The following PLPP4 variants were observed in gnomAD, a reference collection of about 807,000 sequenced individuals.
PLPP4 encodes the protein diacylglycerol pyrophosphate like 2.
In PLPP4, 20 loss-of-function variants were observed where a neutral mutation model predicts 32.2. The ratio of observed to expected loss-of-function variants is 0.62; its 90% CI spans 0.44 to 0.90. PLPP4 has a LOEUF of 0.90. Among genes scored for constraint, PLPP4 ranks in the 40% least tolerant of loss-of-function variants. The pLI is 0.00. For synonymous variants in PLPP4, 127 were observed against 133.0 expected, an observed-to-expected ratio of 0.95 and a Z score of 0.31; for missense variants, 257 against 353.1, an observed-to-expected ratio of 0.73 and a Z score of 2.18.
intron 2 of PLPP4, among the ~76,000 whole-genome samples, chr10:120,510,678 G>T (rs965759668): frequency 5.3e-4 from 79 of 150,006 alleles, no homozygotes; most frequent in African/African-American, 1.8e-3. Context: ...CCTTTACCCA[G>T]TTCAGAGGTG....
intron 5 of PLPP4, among the ~76,000 whole-genome samples, chr10:120,540,900 C>T (rs150196868): frequency 2.2e-3 from 338 of 152,280 alleles, no homozygotes; most frequent in African/African-American, 7.8e-3. Context: ...CATCATGGCA[C>T]ATGTGCAGGA....
intron 1 of PLPP4, among the ~76,000 whole-genome samples, chr10:120,463,939 C>T (rs1008597558): frequency 3.3e-5 from 5 of 152,154 alleles, no homozygotes; most frequent in Admixed American, 1.3e-4. Flanking sequence ...CTCAGCCTCT[C>T]GAGTAGCTGG....
intron 2 of PLPP4, 31 bp downstream of exon 2, chr10:120,503,957 C>A: frequency 7.0e-7 from 1 of 1,425,892 alleles, no homozygotes; most frequent in Non-Finnish European, 9.9e-7. Flanking sequence ...CCTTATTTGA[C>A]TGCTCTCTCA....
chr10:120,575,140 C>T lies in PLPP4; in HGVS notation c.455C>T (p.Ser152Leu), dbSNP rs1460018779. Residue 152 changes from serine (S) to leucine (L), a missense_variant, in exon 6 of 7, where the codon TCG becomes TTG. Transcript: ENST00000398250. ...TGTTTCTGTTTGGCAGTTGCCTTTT[C>T]GGGCCTTGGCTTCACGACGTTCTAC... The part of the protein sequence containing the change: ...FPSIHSSFAF[S>L]GLGFTTFYLA... 1.1e-5 allele frequency: 17 copies of T among 1,612,586 alleles called. No homozygotes were observed. Among genetic ancestry groups the T allele is most frequent in the Middle Eastern group, 1.7e-4 (1 of 6,054 alleles).
intron 1 of PLPP4, among the ~76,000 whole-genome samples, chr10:120,480,918 G>C (rs1844170744): frequency 6.6e-6 from 1 of 152,202 alleles, no homozygotes; most frequent in Admixed American, 6.5e-5. Context: ...AGCAAGTTAG[G>C]CTCTTCTTCC....
Position 120,531,899 on chromosome 10 carries a change from T to C in PLPP4, c.445+10804T>C, listed in dbSNP as rs61871725. Among the ~76,000 whole-genome samples, 730 of 110,984 alleles carry C rather than the reference T, an allele frequency of 6.6e-3. 5 individuals carry two copies. The highest frequency in any genetic ancestry group is 0.02 in the African/African-American group (624 of 31,072). The allele number at this position is 110,984 out of a possible 152,430, so 72.8% of individuals were successfully genotyped here. The stretch of plus-strand genomic sequence containing the variant: ...ACACACACACACACACACACACATA[T>C]ATATATATATACACACATACATATT... On this transcript the variant is annotated intron_variant, in intron 5 of 6. Coordinates refer to ENST00000398250, the MANE Select transcript of PLPP4 (RefSeq NM_001030059.3).
intron 5 of PLPP4, among the ~76,000 whole-genome samples, chr10:120,541,593 C>G (rs1451144503): frequency 6.6e-6 from 1 of 152,202 alleles, no homozygotes; most frequent in Non-Finnish European, 1.5e-5. Flanking sequence ...TATATTTACT[C>G]AACACGTTCC....
chr10:120,533,899 C>T (rs1846864394), intron 5 of PLPP4, among the ~76,000 whole-genome samples: 2 of 152,086 alleles, frequency 1.3e-5, no homozygotes, highest in African/African-American at 4.8e-5. Context: ...TTCTTTTGTG[C>T]TGCTATTAGC....
intron 2 of PLPP4, among the ~76,000 whole-genome samples, chr10:120,504,759 G>C (rs1408724275): frequency 6.6e-6 from 1 of 152,210 alleles, no homozygotes; most frequent in Non-Finnish European, 1.5e-5. Flanking sequence ...AGAATTTTCT[G>C]TCCCCTCTCT....
intron 5 of PLPP4, among the ~76,000 whole-genome samples, chr10:120,528,323 C>T (rs1846525102): frequency 6.6e-6 from 1 of 152,080 alleles, no homozygotes; most frequent in African/African-American, 2.4e-5. Context: ...ATCCGTCCGC[C>T]TCGGCCTCCC....
chr10:120,566,269 T>C (rs1022729904), intron 5 of PLPP4, among the ~76,000 whole-genome samples: 1 of 152,200 alleles, frequency 6.6e-6, no homozygotes, highest in Non-Finnish European at 1.5e-5. Context: ...TAGAAGTTTA[T>C]TTTTTGGAAA....
intron 1 of PLPP4, among the ~76,000 whole-genome samples, chr10:120,503,323 G>A (rs554501669): frequency 1.3e-5 from 2 of 152,292 alleles, no homozygotes; most frequent in East Asian, 3.9e-4. Flanking sequence ...ATCTGAAAAA[G>A]CAAACCCCTG....
chr10:120,524,188 A>G (rs1294641947), intron 5 of PLPP4, among the ~76,000 whole-genome samples: 5 of 152,100 alleles, frequency 3.3e-5, no homozygotes, highest in Admixed American at 3.3e-4. Context: ...TCCTTTTTTT[A>G]AATGACAGGT....
At chr10:120,505,746 A>G (rs879789767) in intron 2 of PLPP4, among the ~76,000 whole-genome samples, 1 of 152,230 alleles carries the variant, frequency 6.6e-6, no homozygotes, top group Non-Finnish European at 1.5e-5. Flanking sequence ...GGAATTACTA[A>G]CACATGACTA....
rs938917320 is a variant in PLPP4, at chr10:120,591,521, A to C, written c.*2019A>C. On this transcript the variant is annotated 3_prime_UTR_variant, in exon 7 of 7. Transcript: ENST00000398250. ...TGAGCTAAAATTCATTTAAAATTAGAAAATTAAACAATACTCTAATTTAAC... is the reference window on the plus strand; with the variant it reads ...TGAGCTAAAATTCATTTAAAATTAGCAAATTAAACAATACTCTAATTTAAC... Among the ~76,000 whole-genome samples, 1 of 152,228 alleles carries C rather than the reference A, an allele frequency of 6.6e-6. No individual in the cohort carries two copies. Among genetic ancestry groups the C allele is most frequent in the Non-Finnish European group, 1.5e-5 (1 of 68,034 alleles).
intron 5 of PLPP4, among the ~76,000 whole-genome samples, chr10:120,525,067 T>C (rs1043842094): frequency 2.0e-5 from 3 of 152,190 alleles, no homozygotes; most frequent in African/African-American, 7.2e-5. Context: ...GTGGACCAAG[T>C]CCAGTGGCTG....
intron 1 of PLPP4, among the ~76,000 whole-genome samples, chr10:120,464,017 C>T (rs1204318673): frequency 6.6e-6 from 1 of 152,134 alleles, no homozygotes; most frequent in African/African-American, 2.4e-5. Flanking sequence ...ATTGCCTATG[C>T]TGGTCTTGAA....
chr10:120,489,511 C>T (rs891471898), intron 1 of PLPP4, among the ~76,000 whole-genome samples: 1 of 152,130 alleles, frequency 6.6e-6, no homozygotes, highest in African/African-American at 2.4e-5. Context: ...TGCACAACTG[C>T]GGTAGGAGTG....
chr10:120,459,615 A>G (rs1016348846), intron 1 of PLPP4, among the ~76,000 whole-genome samples: 33 of 152,204 alleles, frequency 2.2e-4, no homozygotes, highest in African/African-American at 7.5e-4. Context: ...ACAGGGGTTT[A>G]GAAAGTGCCC....
Sources: gnomAD v4.1 joint callset for allele counts (sites outside exome capture counted in the v4.1 genomes callset) on GRCh38, gnomAD v4.1.1 for gene constraint, MANE v1.5 for transcripts, NCBI Gene and HGNC (gene_info 2026-07-23, HGNC 2026-07-21) for gene names.